The following PTPRM variants were observed in gnomAD, a reference collection of about 807,000 sequenced individuals.
The protein encoded by PTPRM is protein tyrosine phosphatase receptor type M.
Under a neutral mutation model 186.7 loss-of-function variants are expected in PTPRM, and 47 were observed. The ratio of observed to expected loss-of-function variants is 0.25; its 90% CI spans 0.20 to 0.32. The LOEUF (loss-of-function observed/expected upper bound fraction) is 0.32, where lower values mean the gene tolerates loss of function less well. Among genes scored for constraint, PTPRM ranks in the 10% least tolerant of loss-of-function variants. The pLI, the probability that PTPRM is intolerant of heterozygous loss-of-function variation, is 1.00. For synonymous variants in PTPRM, 668 were observed against 674.9 expected (o/e 0.99, Z 0.16); for missense variants, 1,494 against 1,865.0 (o/e 0.80, Z 3.66).
chr18:8,319,861 G>T (rs2095334816), intron 22 of PTPRM, among the ~76,000 whole-genome samples: 1 of 152,192 alleles, frequency 6.6e-6, no homozygotes, highest in Non-Finnish European at 1.5e-5. Flanking sequence ...AGCAGCTGGT[G>T]GGTCACCTTG....
intron 1 of PTPRM, among the ~76,000 whole-genome samples, chr18:7,656,944 ACTG>A (rs2038863673): frequency 6.6e-6 from 1 of 151,538 alleles, no homozygotes; most frequent in Non-Finnish European, 1.5e-5. Flanking sequence ...TCCCCCTTTC[ACTG>A]CTGTAAGGCC....
chr18:8,178,803 A>ATAT (rs1460992951), intron 14 of PTPRM, among the ~76,000 whole-genome samples: 1 of 113,876 alleles, frequency 8.8e-6, no homozygotes, highest in Non-Finnish European at 2.1e-5. Flanking sequence ...AATAATAATA[A>ATAT]TAAAATAAAA....
intron 19 of PTPRM, among the ~76,000 whole-genome samples, chr18:8,266,530 G>A (rs2094702916): frequency 6.6e-6 from 1 of 152,178 alleles, no homozygotes; most frequent in African/African-American, 2.4e-5. Context: ...GACCAGTCAT[G>A]TCACGGAAAA....
chr18:7,839,626 G>A (rs1292044545), intron 2 of PTPRM, among the ~76,000 whole-genome samples: 1 of 152,210 alleles, frequency 6.6e-6, no homozygotes, highest in African/African-American at 2.4e-5. Flanking sequence ...TGGGGTCTCT[G>A]TTGGAGCCAC....
At chr18:7,965,903 C>T (rs1246144344) in intron 7 of PTPRM, among the ~76,000 whole-genome samples, 1 of 152,176 alleles carries the variant, frequency 6.6e-6, no homozygotes, top group African/African-American at 2.4e-5. Context: ...ATCTGGCCTC[C>T]AGTTAGGACT....
intron 1 of PTPRM, among the ~76,000 whole-genome samples, chr18:7,702,243 CT>C (rs1287625953): frequency 6.6e-6 from 1 of 152,172 alleles, no homozygotes; most frequent in African/African-American, 2.4e-5. Context: ...ATTTCTGCCT[CT>C]AAATCCTTGA....
chr18:7,885,719 C>T (rs978580399), intron 2 of PTPRM, among the ~76,000 whole-genome samples: 6 of 152,102 alleles, frequency 3.9e-5, no homozygotes, highest in East Asian at 3.9e-4. Context: ...TTAGATTATA[C>T]CTGAATTTCA....
At chr18:8,068,357 G>T (rs1050276858) in intron 7 of PTPRM, among the ~76,000 whole-genome samples, 2 of 152,124 alleles carry the variant, frequency 1.3e-5, no homozygotes, top group African/African-American at 4.8e-5. Flanking sequence ...TTTAGGTTAG[G>T]CTTTTCCTAA....
chr18:8,356,883 C>T (rs1187322224), intron 23 of PTPRM, among the ~76,000 whole-genome samples: 1 of 152,076 alleles, frequency 6.6e-6, no homozygotes, highest in African/African-American at 2.4e-5. Context: ...CTTTTTGCAA[C>T]CTTGGAATGA....
At chr18:8,085,191 C>T (rs1458282108) in intron 9 of PTPRM, among the ~76,000 whole-genome samples, 1 of 151,842 alleles carries the variant, frequency 6.6e-6, no homozygotes, top group African/African-American at 2.4e-5. Flanking sequence ...TCTAGGATTC[C>T]AGTCATTGGA....
chr18:8,181,127 G>C (rs1331201474), intron 14 of PTPRM, among the ~76,000 whole-genome samples: 1 of 152,196 alleles, frequency 6.6e-6, no homozygotes, highest in Non-Finnish European at 1.5e-5. Context: ...CACTGTTCTA[G>C]ACATTGCAGA....
intron 1 of PTPRM, among the ~76,000 whole-genome samples, chr18:7,696,470 G>T (rs1336660803): frequency 6.6e-6 from 1 of 152,060 alleles, no homozygotes; most frequent in Non-Finnish European, 1.5e-5. Flanking sequence ...CACTTTTCTG[G>T]CATATTTTGA....
intron 1 of PTPRM, among the ~76,000 whole-genome samples, chr18:7,703,774 G>A (rs1233626845): frequency 1.3e-5 from 2 of 152,152 alleles, no homozygotes; most frequent in Admixed American, 1.3e-4. Flanking sequence ...AATGCTTCCA[G>A]CTTTTGCCCA....
intron 2 of PTPRM, among the ~76,000 whole-genome samples, chr18:7,800,916 A>C (rs2043928094): frequency 1.3e-5 from 2 of 152,150 alleles, no homozygotes; most frequent in African/African-American, 4.8e-5. Context: ...GGCATAGAAG[A>C]CTTAGAAAAT....
intron 14 of PTPRM, among the ~76,000 whole-genome samples, chr18:8,174,059 C>G (rs972809785): frequency 7.2e-6 from 1 of 139,166 alleles, no homozygotes; most frequent in African/African-American, 2.9e-5. Flanking sequence ...GAGCGAGACT[C>G]TGTCTCAAAA....
chr18:7,831,983 C>T (rs1048937451), intron 2 of PTPRM, among the ~76,000 whole-genome samples: 3 of 152,114 alleles, frequency 2.0e-5, no homozygotes, highest in Non-Finnish European at 4.4e-5. Context: ...CTGAATAGTA[C>T]TCCATTGTGT....
chr18:8,079,439 T>A (rs1353213756), intron 9 of PTPRM, among the ~76,000 whole-genome samples: 1 of 152,212 alleles, frequency 6.6e-6, no homozygotes, highest in Non-Finnish European at 1.5e-5. Flanking sequence ...AAATAAAATA[T>A]CCTTGCTTCC....
At chr18:7,871,130 A>G (rs981694522) in intron 2 of PTPRM, among the ~76,000 whole-genome samples, 3 of 152,248 alleles carry the variant, frequency 2.0e-5, no homozygotes, top group Non-Finnish European at 1.5e-5. Context: ...GTGATTCCCA[A>G]CAATAACTGT....
intron 1 of PTPRM, among the ~76,000 whole-genome samples, chr18:7,687,060 G>A (rs1045971498): frequency 3.9e-5 from 6 of 152,108 alleles, no homozygotes; most frequent in Admixed American, 3.9e-4. Flanking sequence ...ATTTTTTCTA[G>A]TTTATAACCT....
Sources: gnomAD v4.1 joint callset for allele counts (sites outside exome capture counted in the v4.1 genomes callset) on GRCh38, gnomAD v4.1.1 for gene constraint, MANE v1.5 for transcripts, NCBI Gene and HGNC (gene_info 2026-07-23, HGNC 2026-07-21) for gene names.